Variants in LRIG1 observed in about 807,000 individuals in gnomAD.
The protein encoded by LRIG1 is leucine-rich repeats and immunoglobulin-like domains protein 1.
LRIG1 carries 48 observed loss-of-function variants against 99.2 expected under a neutral mutation model. The ratio of observed to expected loss-of-function variants is 0.48; its 90% CI spans 0.38 to 0.62. The LOEUF is 0.62. Ranked by LOEUF, LRIG1 falls within the 20% of genes least tolerant of loss-of-function variation. The pLI, the probability that LRIG1 is intolerant of heterozygous loss-of-function variation, is 0.00. For missense variants in LRIG1, 1,646 were observed against 1,434.4 expected (o/e 1.15, Z -2.38); for synonymous variants, 772 against 596.1 (o/e 1.29, Z -4.30).
chr3:66,492,985 G>T (rs1023913616), intron 1 of LRIG1, among the ~76,000 whole-genome samples: 1 of 152,152 alleles, frequency 6.6e-6, no homozygotes, highest in Non-Finnish European at 1.5e-5. Flanking sequence ...TTCCCCGCCT[G>T]TGTCCCCTAC....
At chr3:66,476,764 T>G (rs1411270109) in intron 1 of LRIG1, among the ~76,000 whole-genome samples, 4 of 152,236 alleles carry the variant, frequency 2.6e-5, no homozygotes, top group African/African-American at 9.6e-5. Flanking sequence ...TATAATTCAC[T>G]AAACCTAGTT....
intron 1 of LRIG1, among the ~76,000 whole-genome samples, chr3:66,482,177 G>A (rs977706530): frequency 6.6e-6 from 1 of 152,210 alleles, no homozygotes; most frequent in Non-Finnish European, 1.5e-5. Context: ...TCCGCAACAC[G>A]CGTCCACATC....
intron 1 of LRIG1, among the ~76,000 whole-genome samples, chr3:66,465,845 C>T (rs1388449579): frequency 1.3e-5 from 2 of 152,190 alleles, no homozygotes; most frequent in African/African-American, 4.8e-5. Context: ...TCTGTACTCA[C>T]TGAACACTAG....
chr3:66,416,345 G>A (rs1057486561), intron 4 of LRIG1, among the ~76,000 whole-genome samples: 2 of 152,132 alleles, frequency 1.3e-5, no homozygotes, highest in Non-Finnish European at 2.9e-5. Flanking sequence ...CACCCTCCCT[G>A]AAAAGATGGG....
At chr3:66,485,949 G>T (rs1700963370) in intron 1 of LRIG1, among the ~76,000 whole-genome samples, 1 of 152,162 alleles carries the variant, frequency 6.6e-6, no homozygotes, top group South Asian at 2.1e-4. Flanking sequence ...GTCAAAGGGA[G>T]GCCAGAAAGA....
At chr3:66,410,772 G>A (rs1702437788) in intron 6 of LRIG1, among the ~76,000 whole-genome samples, 1 of 152,256 alleles carries the variant, frequency 6.6e-6, no homozygotes. Flanking sequence ...GAGCGAATAG[G>A]AGGCGGCTCT....
rs762209173 is a variant in LRIG1, at chr3:66,383,965, C to CACACAT, written c.2071+25_2071+26insATGTGT. 75 of 1,607,354 alleles carry CACACAT rather than the reference C, an allele frequency of 4.7e-5. No individual in the cohort carries two copies. In the African/African-American group the frequency reaches 8.6e-4, roughly 18 times the overall value. On this transcript the variant is annotated intron_variant, in intron 14 of 18. Transcript: ENST00000273261. ...TCTCTCGCTCACACACACACACACA[C>CACACAT]ACACACAGTAGAGCAATAGGCAAAC...
chr3:66,411,910 A>G (rs1217533439), intron 6 of LRIG1, among the ~76,000 whole-genome samples: 1 of 139,952 alleles, frequency 7.1e-6, no homozygotes, highest in African/African-American at 2.6e-5. Context: ...TCTTGGGAGA[A>G]GAACTGGGGT....
intron 1 of LRIG1, among the ~76,000 whole-genome samples, chr3:66,464,171 G>A (rs1259516144): frequency 6.6e-6 from 1 of 152,218 alleles, no homozygotes; most frequent in Non-Finnish European, 1.5e-5. Context: ...TAAAAAGGGG[G>A]ATGGAAATAT....
chr3:66,477,671 T>C (rs561585498), intron 1 of LRIG1, among the ~76,000 whole-genome samples: 3 of 152,290 alleles, frequency 2.0e-5, no homozygotes, highest in East Asian at 1.9e-4. Context: ...TCAAACCTTA[T>C]CCTTTCCACC....
intron 13 of LRIG1, among the ~76,000 whole-genome samples, chr3:66,384,637 A>G (rs1330073961): frequency 1.3e-5 from 2 of 151,332 alleles, no homozygotes; most frequent in Non-Finnish European, 2.9e-5. Flanking sequence ...GTGGAGATGG[A>G]ATTACAGAGG....
chr3:66,395,591 C>T (rs977071582), intron 11 of LRIG1, among the ~76,000 whole-genome samples: 4 of 152,176 alleles, frequency 2.6e-5, no homozygotes, highest in African/African-American at 4.8e-5. Flanking sequence ...CATATTAGAT[C>T]TTAAAATCAG....
At position 66,413,029 on chromosome 3, in the gene LRIG1, C is replaced by G; in HGVS notation, c.648-15G>C. 6.2e-7 allele frequency: 1 copy of G among 1,614,134 alleles called. No homozygotes were observed. The highest frequency in any genetic ancestry group is 2.2e-5 in the East Asian group (1 of 44,886). ...GATTGAGGTCCCTAAAGAGATGAAG[C>G]CAGCAGGGTCAGAGTGTCTTATGTG... On this transcript the variant is annotated splice_polypyrimidine_tract_variant and intron_variant, in intron 5 of 18. Transcript: ENST00000273261.
intron 12 of LRIG1, 157 bp from the exon 13 acceptor site, chr3:66,386,458 G>C: frequency 1.6e-6 from 1 of 638,312 alleles, no homozygotes; most frequent in Non-Finnish European, 2.8e-6. Context: ...TGCCGTAAGA[G>C]TTGCACCATG....
rs752320987 is a variant in LRIG1, at chr3:66,407,440, C to T, written c.987G>A (p.Glu329=). Residue 329 remains glutamate, a synonymous_variant, in exon 8 of 19, where the codon GAG becomes GAA. Coordinates refer to ENST00000273261, the MANE Select transcript of LRIG1 (RefSeq NM_015541.3). ...GACGCAGGACACTCAGGCTGCTCAG[C>T]TCGGCCAGGCTCTCCTCGTCCAGCC... ...LTRLDEESLA[E]LSSLSVLRLS... 3.1e-6 allele frequency: 5 copies of T among 1,613,886 alleles called. No homozygotes were observed. The highest frequency in any genetic ancestry group is 1.7e-5 in the Admixed American group (1 of 59,990).
intron 12 of LRIG1, chr3:66,386,960 C>G (rs763681292): frequency 6.6e-6 from 1 of 151,468 alleles, no homozygotes; most frequent in Non-Finnish European, 1.5e-5. Context: ...AGCAACCACT[C>G]AAGGGTCAGA....
intron 1 of LRIG1, among the ~76,000 whole-genome samples, chr3:66,469,565 T>G (rs866776508): frequency 6.6e-6 from 1 of 152,212 alleles, no homozygotes; most frequent in Non-Finnish European, 1.5e-5. Context: ...AGGTCTTACA[T>G]GTGCTTCTCG....
chr3:66,438,505 AAAC>A (rs761613084), intron 3 of LRIG1, among the ~76,000 whole-genome samples: 92 of 152,162 alleles, frequency 6.0e-4, no homozygotes, highest in Non-Finnish European at 1.1e-3. Flanking sequence ...GTGTTTTGTG[AAAC>A]GTCCTATAAT....
At chr3:66,419,885 T>C (rs1237454281) in intron 3 of LRIG1, among the ~76,000 whole-genome samples, 1 of 152,150 alleles carries the variant, frequency 6.6e-6, no homozygotes, top group Non-Finnish European at 1.5e-5. Context: ...TTCAAAATGT[T>C]CTAGCTTGGA....
Sources: gnomAD v4.1 joint callset for allele counts (sites outside exome capture counted in the v4.1 genomes callset) on GRCh38, gnomAD v4.1.1 for gene constraint, MANE v1.5 for transcripts, NCBI Gene and HGNC (gene_info 2026-07-23, HGNC 2026-07-21) for gene names.